Variants in SCAMP1 observed in about 807,000 individuals in gnomAD.
SCAMP1 encodes secretory carrier membrane protein 1, also known as secretory carrier-associated membrane protein 1.
In SCAMP1, 15 loss-of-function variants were observed where a neutral mutation model predicts 41.8. That is an observed-to-expected ratio of 0.36 (90% CI 0.24 to 0.55). SCAMP1 has a LOEUF of 0.55. Among genes scored for constraint, SCAMP1 ranks in the 20% least tolerant of loss-of-function variants. The pLI is 0.86. For missense variants in SCAMP1, 341 were observed against 412.6 expected, an observed-to-expected ratio of 0.83 and a Z score of 1.50; for synonymous variants, 135 against 136.8, an observed-to-expected ratio of 0.99 and a Z score of 0.09.
intron 8 of SCAMP1, among the ~76,000 whole-genome samples, chr5:78,462,643 A>T (rs1233148509): frequency 6.6e-6 from 1 of 152,090 alleles, no homozygotes; most frequent in Non-Finnish European, 1.5e-5. Flanking sequence ...AACTTTACTC[A>T]AGTTAGTTAT....
intron 1 of SCAMP1, among the ~76,000 whole-genome samples, chr5:78,386,752 T>C (rs758671622): frequency 3.3e-5 from 5 of 152,194 alleles, no homozygotes; most frequent in Non-Finnish European, 5.9e-5. Flanking sequence ...TCTTGGCTGA[T>C]AATTGTTTTC....
At chr5:78,375,267 T>G (rs968830638) in intron 1 of SCAMP1, among the ~76,000 whole-genome samples, 1 of 152,166 alleles carries the variant, frequency 6.6e-6, no homozygotes, top group Non-Finnish European at 1.5e-5. Context: ...GGAAATATAG[T>G]TTTGAACATA....
Position 78,459,520 on chromosome 5 carries a change from A to G in SCAMP1, c.852+158A>G, listed in dbSNP as rs13155648. On this transcript the variant is annotated intron_variant, in intron 8 of 8. Transcript: ENST00000621999. ...TTTTTACAATTAAAAGTTATGCATA[A>G]GTACATTTTAGAAAATTGCATCACA... is the stretch of plus-strand genomic sequence containing the variant. Among the ~76,000 whole-genome samples, 123,525 of 152,144 alleles carry G rather than the reference A, an allele frequency of 0.81. 50,736 individuals are homozygous for G. Among genetic ancestry groups the G allele is most frequent in the East Asian group, 0.92 (4,777 of 5,186 alleles).
chr5:78,470,147 G>A (rs916108995), intron 8 of SCAMP1, among the ~76,000 whole-genome samples: 1 of 151,920 alleles, frequency 6.6e-6, no homozygotes, highest in Non-Finnish European at 1.5e-5. Flanking sequence ...ATGGCTTTTG[G>A]TGTATTGTAT....
intron 8 of SCAMP1, among the ~76,000 whole-genome samples, chr5:78,465,266 C>T (rs148514655): frequency 6.6e-6 from 1 of 152,308 alleles, no homozygotes; most frequent in African/African-American, 2.4e-5. Flanking sequence ...AGTCTTTTAG[C>T]ATTGGAATTA....
intron 2 of SCAMP1, among the ~76,000 whole-genome samples, chr5:78,404,206 A>G (rs1479061201): frequency 6.6e-6 from 1 of 151,486 alleles, no homozygotes; most frequent in Non-Finnish European, 1.5e-5. Flanking sequence ...GACCTATATT[A>G]TTCTCATTCT....
At chr5:78,382,792 T>C (rs982730360) in intron 1 of SCAMP1, among the ~76,000 whole-genome samples, 288 of 125,554 alleles carry the variant, frequency 2.3e-3, no homozygotes, top group African/African-American at 7.9e-3. Flanking sequence ...TGTGTGTGTG[T>C]GTGTGTGTGT....
chr5:78,396,265 G>A (rs1751647650), intron 2 of SCAMP1, among the ~76,000 whole-genome samples: 2 of 152,196 alleles, frequency 1.3e-5, no homozygotes, highest in Non-Finnish European at 2.9e-5. Context: ...TGATGATGAT[G>A]TGTCAGTGAA....
intron 2 of SCAMP1, among the ~76,000 whole-genome samples, chr5:78,406,359 A>G (rs1430562243): frequency 6.6e-6 from 1 of 152,192 alleles, no homozygotes; most frequent in Non-Finnish European, 1.5e-5. Context: ...CCCTACATAC[A>G]CTTTGGCTGT....
intron 1 of SCAMP1, among the ~76,000 whole-genome samples, chr5:78,364,518 C>G (rs983860328): frequency 1.3e-5 from 2 of 152,140 alleles, no homozygotes; most frequent in Non-Finnish European, 2.9e-5. Flanking sequence ...TGCTCATTGT[C>G]TTGTGCCCAT....
chr5:78,449,631 A>C (rs1247274147), intron 6 of SCAMP1, among the ~76,000 whole-genome samples: 1 of 152,222 alleles, frequency 6.6e-6, no homozygotes, highest in Non-Finnish European at 1.5e-5. Flanking sequence ...ATGCTGTTTA[A>C]TAAAAGAAGA....
intron 8 of SCAMP1, among the ~76,000 whole-genome samples, chr5:78,461,470 A>C (rs1317356453): frequency 6.6e-6 from 1 of 152,170 alleles, no homozygotes; most frequent in African/African-American, 2.4e-5. Flanking sequence ...GCTTTGTTAA[A>C]GATCAGTTGG....
At chr5:78,420,263 C>G (rs529764584) in intron 5 of SCAMP1, among the ~76,000 whole-genome samples, 1 of 152,092 alleles carries the variant, frequency 6.6e-6, no homozygotes, top group South Asian at 2.1e-4. Flanking sequence ...TTTTCATGAA[C>G]TTTAAAGTGT....
rs1383698163 is a variant in SCAMP1 at position 78,477,399 on chromosome 5, A to G, written c.*1731A>G. On this transcript the variant is annotated 3_prime_UTR_variant, in exon 9 of 9. Coordinates refer to ENST00000621999, the MANE Select transcript of SCAMP1 (RefSeq NM_004866.6). ...TAATTTCTACCTATGTTCTCAACCA[A>G]CTTAGCCAGTTTGTTTTTCAGAGCC... 2.6e-5 allele frequency: 4 copies of G among 152,112 alleles called. No individual in the cohort carries two copies. Among genetic ancestry groups the G allele is most frequent in the African/African-American group, 9.7e-5 (4 of 41,440 alleles). The allele number at this position is 152,112 out of a possible 1,614,324, so 9.4% of individuals were successfully genotyped here.
intron 8 of SCAMP1, among the ~76,000 whole-genome samples, chr5:78,461,842 G>A (rs1002066788): frequency 6.6e-6 from 1 of 152,194 alleles, no homozygotes; most frequent in Admixed American, 6.5e-5. Context: ...GGGATTACAG[G>A]TGTGAGCCAC....
At chr5:78,440,339 G>C (rs1355422612) in intron 6 of SCAMP1, among the ~76,000 whole-genome samples, 1 of 152,126 alleles carries the variant, frequency 6.6e-6, no homozygotes, top group Admixed American at 6.6e-5. Flanking sequence ...CATCTTTGTG[G>C]TTTTATCTAC....
At chr5:78,396,329 G>A (rs1751649321) in intron 2 of SCAMP1, among the ~76,000 whole-genome samples, 1 of 152,192 alleles carries the variant, frequency 6.6e-6, no homozygotes, top group African/African-American at 2.4e-5. Flanking sequence ...GATAATGGGG[G>A]AGACTGTGCA....
intron 1 of SCAMP1, among the ~76,000 whole-genome samples, chr5:78,375,625 AGT>A (rs1448999142): frequency 5.9e-5 from 9 of 152,186 alleles, no homozygotes; most frequent in African/African-American, 2.2e-4. Context: ...CTCATGAAAA[AGT>A]GTGAAGGAAC....
At chr5:78,417,151 TAA>T (rs1265530896) in intron 4 of SCAMP1, among the ~76,000 whole-genome samples, 2 of 152,208 alleles carry the variant, frequency 1.3e-5, no homozygotes, top group African/African-American at 4.8e-5. Flanking sequence ...TGAATTCTAT[TAA>T]GTTTGTGCCT....
Sources: allele counts gnomAD v4.1 joint callset (sites outside exome capture counted in the v4.1 genomes callset), GRCh38; gene constraint gnomAD v4.1.1; transcripts MANE v1.5; gene names NCBI Gene and HGNC (gene_info 2026-07-23, HGNC 2026-07-21).